KLF13: variants seen among roughly 807,000 people sequenced by gnomAD.
KLF13 encodes the protein KLF transcription factor 13, also known as Krueppel-like factor 13.
KLF13 carries 8 observed loss-of-function variants against 16.7 expected under a neutral mutation model. The ratio of observed to expected loss-of-function variants is 0.48; its 90% CI spans 0.28 to 0.87. KLF13 has a LOEUF of 0.87. Ranked by LOEUF, KLF13 falls within the 40% of genes least tolerant of loss-of-function variation. KLF13 has a pLI of 0.10. For missense variants in KLF13, 447 were observed against 452.2 expected, an observed-to-expected ratio of 0.99 and a Z score of 0.10; for synonymous variants, 245 against 208.4, an observed-to-expected ratio of 1.18 and a Z score of -1.51.
At chr15:31,394,412 G>A (rs921603532) in intron 2 of KLF13, among the ~76,000 whole-genome samples, 7 of 152,036 alleles carry the variant, frequency 4.6e-5, no homozygotes, top group Non-Finnish European at 8.8e-5. Flanking sequence ...GCCTGAACCC[G>A]GGAGGCGGAG....
chr15:31,328,316 C>T (rs755737539), intron 1 of KLF13, among the ~76,000 whole-genome samples: 8 of 151,892 alleles, frequency 5.3e-5, no homozygotes, highest in South Asian at 4.1e-4. Flanking sequence ...CTTCGCCACT[C>T]GGCACATTCT....
upstream of KLF13, among the ~76,000 whole-genome samples, chr15:31,389,318 T>C (rs1406474008): frequency 6.6e-6 from 1 of 152,234 alleles, no homozygotes; most frequent in Non-Finnish European, 1.5e-5. Flanking sequence ...TAATTATCTG[T>C]TCATGTGATC....
At chr15:31,343,572 CTG>C (rs1310546213) in intron 1 of KLF13, among the ~76,000 whole-genome samples, 5 of 152,242 alleles carry the variant, frequency 3.3e-5, no homozygotes, top group Non-Finnish European at 5.9e-5. Context: ...CTGGCAGAGT[CTG>C]TGTGCCCACC....
intron 1 of KLF13, 45 bp downstream of exon 1, chr15:31,327,834 G>C (rs1469080938): frequency 1.5e-6 from 2 of 1,368,304 alleles, no homozygotes; most frequent in African/African-American, 1.6e-5. Context: ...GACGGGGTCG[G>C]CGCGAGCTGC....
intron 1 of KLF13, among the ~76,000 whole-genome samples, chr15:31,434,635 T>TA (rs1338084619): frequency 1.3e-5 from 2 of 152,160 alleles, no homozygotes; most frequent in Non-Finnish European, 2.9e-5. Flanking sequence ...CTGGACCTGC[T>TA]AGGGCCTGAA....
At chr15:31,412,689 C>T (rs943500851) in intron 1 of KLF13, among the ~76,000 whole-genome samples, 4 of 12,776 alleles carry the variant, frequency 3.1e-4, no homozygotes, top group South Asian at 0.01. Flanking sequence ...ACCTCCAGCT[C>T]GTGATTTCTT....
chr15:31,431,512 T>C (rs997820259), intron 1 of KLF13, among the ~76,000 whole-genome samples: 1 of 152,154 alleles, frequency 6.6e-6, no homozygotes, highest in African/African-American at 2.4e-5. Flanking sequence ...TCGCCCAGGA[T>C]GGAGTGCAGT....
intron 1 of KLF13, among the ~76,000 whole-genome samples, chr15:31,422,579 C>T (rs773844304): frequency 6.6e-6 from 1 of 152,052 alleles, no homozygotes; most frequent in South Asian, 2.1e-4. Context: ...TGGATGGGGA[C>T]ACAGAGCCAA....
At chr15:31,337,211 T>G (rs2038943375) in intron 1 of KLF13, among the ~76,000 whole-genome samples, 2 of 152,224 alleles carry the variant, frequency 1.3e-5, no homozygotes, top group African/African-American at 4.8e-5. Flanking sequence ...GGACTCAGAT[T>G]CCCTCCATCC....
intron 2 of KLF13, among the ~76,000 whole-genome samples, chr15:31,402,673 C>T (rs2040054479): frequency 6.6e-6 from 1 of 152,168 alleles, no homozygotes; most frequent in African/African-American, 2.4e-5. Context: ...CTGCACAGAG[C>T]CCCAGGTGGA....
downstream of KLF13, among the ~76,000 whole-genome samples, chr15:31,407,798 T>A (rs2040146553): frequency 6.6e-6 from 1 of 152,180 alleles, no homozygotes; most frequent in Admixed American, 6.5e-5. Flanking sequence ...AAAAATTATT[T>A]GACTCTTTCT....
chr15:31,393,420 C>T (rs1196820606), intron 1 of KLF13, among the ~76,000 whole-genome samples: 1 of 104,524 alleles, frequency 9.6e-6, no homozygotes, highest in African/African-American at 3.1e-5. Flanking sequence ...CACCCCCGGC[C>T]CGTCCCCCCC....
Position 31,420,321 on chromosome 15 carries a change from C to T in KLF13, n.118-15049C>T, listed in dbSNP as rs572050303. On this transcript the variant is annotated intron_variant and non_coding_transcript_variant, in intron 1 of 1. Coordinates refer to the KLF13 transcript ENST00000558225. ...GACAACCTTTTCAAATGGGTAGGGA[C>T]CATCCATGGAGCAGCTGGCACAGTG... 7.7e-5 allele frequency: 76 copies of T among 984,452 alleles called. No homozygotes were observed. The African/African-American group carries it at 1.0e-3, about 13-fold the overall frequency. 61.0% of individuals were successfully genotyped at this position (984,452 alleles called of 1,614,324 possible). A position where few individuals can be genotyped will look rare whatever the true frequency, so the allele number is the denominator to read the frequency against.
upstream of KLF13, among the ~76,000 whole-genome samples, chr15:31,390,432 C>CA (rs1453616698): frequency 3.3e-5 from 5 of 152,178 alleles, no homozygotes; most frequent in Non-Finnish European, 7.3e-5. Context: ...AAACAAGGTT[C>CA]AAAATTACTT....
At chr15:31,412,621 G>A (rs11630067) in intron 1 of KLF13, among the ~76,000 whole-genome samples, 86,960 of 152,062 alleles carry the variant, frequency 0.57, 25,458 homozygotes, top group South Asian at 0.69. Flanking sequence ...AAAGCAAAGA[G>A]GAGGAGGAAC....
chr15:31,352,282 T>C (rs1436974707), intron 1 of KLF13, among the ~76,000 whole-genome samples: 1 of 152,210 alleles, frequency 6.6e-6, no homozygotes, highest in Non-Finnish European at 1.5e-5. Flanking sequence ...AAGGTGAGAT[T>C]GTCTCACAGC....
chr15:31,419,046 T>C (rs1403270126), intron 1 of KLF13, among the ~76,000 whole-genome samples: 1 of 152,176 alleles, frequency 6.6e-6, no homozygotes, highest in African/African-American at 2.4e-5. Flanking sequence ...CTGCTTCTGG[T>C]GAGGGCCTCA....
chr15:31,414,609 A>T (rs1442194673), intron 1 of KLF13, among the ~76,000 whole-genome samples: 1 of 152,226 alleles, frequency 6.6e-6, no homozygotes, highest in Non-Finnish European at 1.5e-5. Context: ...AAAACAAAAT[A>T]TGTTGCTGGA....
At chr15:31,339,827 G>A (rs1393423219) in intron 1 of KLF13, 3 of 645,426 alleles carry the variant, frequency 4.6e-6, no homozygotes, top group African/African-American at 1.8e-5. Flanking sequence ...CCCCCCGCCT[G>A]CTGTCTCGTG....
Sources: gnomAD v4.1 joint callset for allele counts (sites outside exome capture counted in the v4.1 genomes callset) on GRCh38, gnomAD v4.1.1 for gene constraint, MANE v1.5 for transcripts, NCBI Gene and HGNC (gene_info 2026-07-23, HGNC 2026-07-21) for gene names.